TTC3: variants seen among roughly 807,000 people sequenced by gnomAD.
TTC3 encodes the protein tetratricopeptide repeat domain 3.
TTC3 carries 180 observed loss-of-function variants against 249.6 expected under a neutral mutation model. That is an observed-to-expected ratio of 0.72 (90% CI 0.64 to 0.82). The LOEUF is 0.82. Ranked by LOEUF, TTC3 falls within the 40% of genes least tolerant of loss-of-function variation. The probability of loss-of-function intolerance (pLI) is 0.00; values close to 1 mark genes in which losing one functional copy is unlikely to be tolerated. For synonymous variants in TTC3, 717 were observed against 805.0 expected, an observed-to-expected ratio of 0.89 and a Z score of 1.85; for missense variants, 2,061 against 2,398.4, an observed-to-expected ratio of 0.86 and a Z score of 2.94.
Position 37,137,998 on chromosome 21 carries a change from G to A in TTC3, c.1579-636G>A, listed in dbSNP as rs538886051. ...TTATACCTGTGTAACAAACCTGCAC[G>A]TTCTTCTGCACATGTATCCCAGAAC... On this transcript the variant is annotated intron_variant, in intron 18 of 45. Coordinates refer to ENST00000355666, the Ensembl canonical transcript of TTC3. 2.1e-3 allele frequency among the ~76,000 whole-genome samples: 314 copies of A among 152,178 alleles called. 2 individuals are homozygous for A. Among genetic ancestry groups the A allele is most frequent in the African/African-American group, 5.2e-3 (215 of 41,522 alleles).
At chr21:37,117,835 C>CAAAAAAAAAAAAAAAAAAAAAAA (rs60664616) in intron 11 of TTC3, among the ~76,000 whole-genome samples, 1 of 73,448 alleles carries the variant, frequency 1.4e-5, no homozygotes, top group African/African-American at 4.3e-5. Context: ...TGCGCCACTT[C>CAAAAAAAAAAAAAAAAAAAAAAA]AAAAAAAAAA....
intron 36 of TTC3, among the ~76,000 whole-genome samples, chr21:37,183,321 T>G (rs1276557686): frequency 6.6e-6 from 1 of 152,192 alleles, no homozygotes; most frequent in Admixed American, 6.5e-5. Flanking sequence ...AATCTATAAA[T>G]TATTAAAATT....
chr21:37,125,027 C>G (rs1236833546), intron 14 of TTC3, among the ~76,000 whole-genome samples: 1 of 152,258 alleles, frequency 6.6e-6, no homozygotes, highest in South Asian at 2.1e-4. Flanking sequence ...CTTTTCCCTT[C>G]GGTTGTTGGA....
At chr21:37,148,503 G>A (rs751515759) in intron 22 of TTC3, 43 bp from the exon 23 acceptor site, 2 of 1,096,900 alleles carry the variant, frequency 1.8e-6, no homozygotes, top group Non-Finnish European at 1.3e-6. Flanking sequence ...AGTGTGCAGA[G>A]ACATCTTTAA....
intron 41 of TTC3, among the ~76,000 whole-genome samples, chr21:37,195,231 G>A (rs768733109): frequency 7.2e-5 from 11 of 152,218 alleles, no homozygotes; most frequent in Admixed American, 1.3e-4. Context: ...CACTGCAGGC[G>A]TGGACGGAGG....
chr21:37,165,413 T>A, intron 32 of TTC3, 137 bp from the exon 33 acceptor site: 1 of 642,128 alleles, frequency 1.6e-6, no homozygotes. Context: ...ATGTTTGTTA[T>A]ATTTGTTGTT....
intron 37 of TTC3, chr21:37,185,978 A>G (rs1381906649): frequency 9.2e-6 from 2 of 218,520 alleles, no homozygotes; most frequent in Non-Finnish European, 1.8e-5. Context: ...TTTATTTTAC[A>G]AGATTTCTGC....
chr21:37,101,383 GTGTT>G (rs1170778086), intron 10 of TTC3: 1 of 149,232 alleles, frequency 6.7e-6, no homozygotes, highest in African/African-American at 2.5e-5. Flanking sequence ...GTGTGTGTGT[GTGTT>G]GGTTTGGTGA....
At chr21:37,196,085 A>C (rs772789096) in intron 42 of TTC3, 49 bp downstream of exon 42, 3 of 1,591,526 alleles carry the variant, frequency 1.9e-6, no homozygotes, top group Middle Eastern at 1.8e-4. Flanking sequence ...TATCGAACTG[A>C]GGTTTCCTGA....
intron 33 of TTC3, 75 bp downstream of exon 33, chr21:37,166,690 T>G (rs2081283103): frequency 6.8e-7 from 1 of 1,474,972 alleles, no homozygotes; most frequent in Admixed American, 2.6e-5. Context: ...CCGTTATATT[T>G]GCAAGAATCC....
At chr21:37,186,457 T>A (rs2083290803) in intron 37 of TTC3, among the ~76,000 whole-genome samples, 2 of 152,236 alleles carry the variant, frequency 1.3e-5, no homozygotes, top group South Asian at 4.1e-4. Flanking sequence ...TTATTTATTT[T>A]TTGAGATAGG....
At chr21:37,096,306 C>T (rs1403605080) in intron 9 of TTC3, among the ~76,000 whole-genome samples, 4 of 152,160 alleles carry the variant, frequency 2.6e-5, no homozygotes, top group Admixed American at 6.5e-5. Flanking sequence ...TAATATGTCT[C>T]GTTTGATCCC....
intron 11 of TTC3, among the ~76,000 whole-genome samples, chr21:37,113,220 A>G (rs1294710324): frequency 6.6e-6 from 1 of 152,248 alleles, no homozygotes; most frequent in Non-Finnish European, 1.5e-5. Flanking sequence ...AATAAAGGGC[A>G]TTCAATTAGG....
intron 1 of TTC3, 138 bp from the exon 2 acceptor site, chr21:37,087,109 G>C (rs760836524): frequency 6.0e-5 from 53 of 876,364 alleles, no homozygotes; most frequent in Non-Finnish European, 8.6e-5. Context: ...ATCTTTCGGA[G>C]CTCAGTGTTC....
At chr21:37,201,342 C>T in intron 45 of TTC3, 98 bp from the exon 46 acceptor site, 1 of 1,508,472 alleles carries the variant, frequency 6.6e-7, no homozygotes, top group Non-Finnish European at 9.2e-7. Flanking sequence ...AGACCAAGGG[C>T]AAGTGAGCCA....
intron 35 of TTC3, 90 bp from the exon 36 acceptor site, chr21:37,182,684 C>A: frequency 7.7e-7 from 1 of 1,301,258 alleles, no homozygotes; most frequent in Non-Finnish European, 1.0e-6. Context: ...ATTGTTTAAG[C>A]TATGGCACCG....
rs1326502495 is a variant in TTC3, at chr21:37,143,570, G to A, written c.1773-955G>A. On this transcript the variant is annotated intron_variant, in intron 20 of 45. Coordinates refer to ENST00000355666, the Ensembl canonical transcript of TTC3. ...ACCGTCTCACACCAGTTAGAATGGC[G>A]ATCATTAAAAAGTCAAGAAACAACA... Among the ~76,000 whole-genome samples the A allele has an allele frequency of 2.2e-3, 328 of 151,868 alleles. 3 individuals carry two copies. The highest frequency in any genetic ancestry group is 5.8e-3 in the African/African-American group (242 of 41,412).
chr21:37,089,309 A>G (rs2072933196), intron 5 of TTC3, among the ~76,000 whole-genome samples: 1 of 152,128 alleles, frequency 6.6e-6, no homozygotes. Context: ...CTATTGAGAT[A>G]AGTTGAGAGT....
chr21:37,097,328 G>A (rs1434202080), intron 10 of TTC3, among the ~76,000 whole-genome samples: 1 of 152,052 alleles, frequency 6.6e-6, no homozygotes, highest in Non-Finnish European at 1.5e-5. Context: ...ATATTGAGCA[G>A]GTAGACTATT....
Sources: gnomAD v4.1 joint callset for allele counts (sites outside exome capture counted in the v4.1 genomes callset) on GRCh38, gnomAD v4.1.1 for gene constraint, MANE v1.5 for transcripts, NCBI Gene and HGNC (gene_info 2026-07-23, HGNC 2026-07-21) for gene names.